Variants in PATL2 observed in about 807,000 individuals in gnomAD.
PATL2 encodes the protein PAT1 homolog 2.
PATL2 carries 73 observed loss-of-function variants against 77.0 expected under a neutral mutation model. The observed-to-expected ratio is 0.95, with a 90% CI of 0.78 to 1.15. The LOEUF is 1.15. Ranked by LOEUF, PATL2 falls within the 50% of genes most tolerant of loss-of-function variation. The probability of loss-of-function intolerance (pLI) is 0.00; values close to 1 mark genes in which losing one functional copy is unlikely to be tolerated. For synonymous variants in PATL2, 265 were observed against 257.1 expected (o/e 1.03, Z -0.29); for missense variants, 618 against 655.4 (o/e 0.94, Z 0.62).
In PATL2 at chr15:44,673,294, C is replaced by T; in HGVS notation, c.387G>A (p.Leu129=). 6.4e-7 allele frequency: 1 copy of T among 1,551,606 alleles called. No individual in the cohort carries two copies. The highest frequency in any genetic ancestry group is 8.7e-7 in the Non-Finnish European group (1 of 1,146,960). ...SSPAQHFGPR[L]PSPDPTLFCS... The stretch of plus-strand genomic sequence containing the variant: ...AGAAGAGAGTTGGGTCTGGTGAGGG[C>T]AGCCGAGGTCCAAAGTGCTGTGCTG... Residue 129 remains leucine (L), a synonymous_variant, in exon 7 of 18, where the codon CTG becomes CTA. Coordinates refer to ENST00000682850, the MANE Select transcript of PATL2 (RefSeq NM_001387263.1).
Position 44,669,510 on chromosome 15 carries a change from C to T in PATL2, c.930G>A (p.Lys310=). The change falls in exon 12 of 18, where the codon AAG becomes AAA. Residue 310 remains lysine, a splice_region_variant and synonymous_variant. Coordinates refer to ENST00000682850, the MANE Select transcript of PATL2 (RefSeq NM_001387263.1). ...CGTCCCTAAGGAACTGATATCTCAC[C>T]TTCTCAATCCGGTATAATACCCGAA... The part of the protein sequence containing the change: ...QRLRVLYRIE[K]MFLQLLEIEE... 1.3e-6 allele frequency: 2 copies of T among 1,551,134 alleles called. No homozygotes were observed. Among genetic ancestry groups the T allele is most frequent in the Non-Finnish European group, 1.7e-6 (2 of 1,146,732 alleles).
At chr15:44,685,607 C>CAA (rs745919182) in intron 3 of PATL2, among the ~76,000 whole-genome samples, 1 of 112,770 alleles carries the variant, frequency 8.9e-6, no homozygotes, top group Non-Finnish European at 1.9e-5. Flanking sequence ...GACTCTGTCT[C>CAA]AAAAAAAAAA....
rs893178904 is a variant in PATL2, at chr15:44,669,379, C to T, written c.965G>A (p.Trp322Ter). ...FLQLLEIEEG[W>*]KYRPPPPCFS... ...GCAGGGCGGTGGAGGCCTATACTTC[C>T]AGCCTTCCTCTATTTCTAGTAACTG... is the stretch of plus-strand genomic sequence containing the variant. Residue 322 changes from tryptophan to a stop codon, truncating the protein, a stop_gained, in exon 13 of 18, where the codon TGG (tryptophan) becomes TAG (stop). Transcript: ENST00000682850. LOFTEE classifies it high-confidence loss of function. 6.4e-7 allele frequency: 1 copy of T among 1,551,510 alleles called. No individual in the cohort carries two copies. Among genetic ancestry groups the T allele is most frequent in the East Asian group, 2.4e-5 (1 of 40,912 alleles).
rs772443142 is a variant in PATL2 at position 44,665,905 on chromosome 15, T to C, written c.*48A>G. The stretch of plus-strand genomic sequence containing the variant: ...CTGTAAACATAGTCTATGTAGCTAG[T>C]GTCTGATGATTCAACTTCCCACATA... On this transcript the variant is annotated 3_prime_UTR_variant, in exon 18 of 18. Transcript: ENST00000682850. The C allele has an allele frequency of 1.9e-6, 3 of 1,550,478 alleles. No individual in the cohort carries two copies. The highest frequency in any genetic ancestry group is 1.4e-5 in the African/African-American group (1 of 73,004).
intron 3 of PATL2, among the ~76,000 whole-genome samples, chr15:44,682,091 A>G (rs1018845452): frequency 2.0e-5 from 3 of 152,176 alleles, no homozygotes; most frequent in Admixed American, 6.5e-5. Flanking sequence ...TGTCTTTCCA[A>G]TGATATTGAA....
intron 16 of PATL2, 158 bp downstream of exon 16, chr15:44,666,948 A>T: frequency 1.6e-6 from 1 of 628,938 alleles, no homozygotes; most frequent in South Asian, 2.0e-5. Context: ...ACTCTAGGGC[A>T]CTATAGAAAA....
In PATL2 at chr15:44,666,622, C is replaced by T. The variant is rs1001030541; in HGVS notation, c.1464-81G>A. On this transcript the variant is annotated intron_variant, in intron 16 of 17. Coordinates refer to ENST00000682850, the MANE Select transcript of PATL2 (RefSeq NM_001387263.1). Reference sequence around the variant, plus strand: ...GGGCCAAGGTTTCTTATTATCTTTCCGTTACTACTACCATTGTCCCCCACC... The same window carrying T: ...GGGCCAAGGTTTCTTATTATCTTTCTGTTACTACTACCATTGTCCCCCACC... The T allele has an allele frequency of 2.1e-5, 29 of 1,364,536 alleles. No homozygotes were observed. The East Asian group carries it at 4.3e-4, about 20-fold the overall frequency. 84.5% of individuals were successfully genotyped at this position (1,364,536 alleles called of 1,614,324 possible).
At chr15:44,679,056 C>T (rs2086067603) in intron 3 of PATL2, among the ~76,000 whole-genome samples, 2 of 152,000 alleles carry the variant, frequency 1.3e-5, no homozygotes, top group Non-Finnish European at 2.9e-5. Context: ...GTCTCTCCTG[C>T]CCCCTTTCAT....
chr15:44,678,549 A>G (rs1014010680), intron 3 of PATL2, among the ~76,000 whole-genome samples: 1 of 152,170 alleles, frequency 6.6e-6, no homozygotes, highest in Non-Finnish European at 1.5e-5. Context: ...AGCCAAGCCT[A>G]TGTTAGGCTT....
At chr15:44,673,401 G>A in intron 6 of PATL2, 24 bp from the exon 7 acceptor site, 5 of 1,550,918 alleles carry the variant, frequency 3.2e-6, no homozygotes, top group South Asian at 2.4e-5. Flanking sequence ...TAAGAGGTCT[G>A]GGAGAACGCC....
intron 3 of PATL2, among the ~76,000 whole-genome samples, chr15:44,705,806 A>G (rs2086722011): frequency 1.7e-5 from 1 of 58,364 alleles, no homozygotes. Flanking sequence ...TTTCCTCAAA[A>G]CATTGTTTTT....
At chr15:44,668,582 C>A in intron 14 of PATL2, 100 bp from the exon 15 acceptor site, 1 of 1,418,240 alleles carries the variant, frequency 7.1e-7, no homozygotes, top group Non-Finnish European at 9.4e-7. Flanking sequence ...GTCTTTGGCA[C>A]GTCCTGGTGA....
chr15:44,672,038 G>C lies in PATL2; in HGVS notation c.634C>G (p.Arg212Gly). The C allele has an allele frequency of 6.4e-7, 1 of 1,551,644 alleles. No individual in the cohort carries two copies. The highest frequency in any genetic ancestry group is 8.7e-7 in the Non-Finnish European group (1 of 1,146,980). The change falls in exon 9 of 18, where the codon CGC (arginine) becomes GGC (glycine). Residue 212 changes from arginine (R) to glycine (G), a missense_variant. Physicochemically the swap from Arg to Gly is moderately radical, Grantham distance 125. Coordinates refer to ENST00000682850, the MANE Select transcript of PATL2 (RefSeq NM_001387263.1). ...QMVQLQSAKP[R>G]LDDYYYQEYY... ...ACCTGGTAATAGTAGTCATCCAGGC[G>C]GGGTTTTGCACTCTGCAGCTGCACC...
intron 3 of PATL2, among the ~76,000 whole-genome samples, chr15:44,687,525 C>T (rs1232668159): frequency 6.6e-6 from 1 of 152,176 alleles, no homozygotes; most frequent in African/African-American, 2.4e-5. Context: ...CTCACCACTC[C>T]TATTCAACAT....
intron 6 of PATL2, among the ~76,000 whole-genome samples, chr15:44,673,878 G>A (rs2085817342): frequency 6.6e-6 from 1 of 152,230 alleles, no homozygotes; most frequent in Admixed American, 6.5e-5. Flanking sequence ...TCTGCTGAAA[G>A]ATTGCCTAAG....
chr15:44,711,008 T>C lies in PATL2; in HGVS notation c.-254+12A>G, dbSNP rs2086850445. ...GCTGTCCTCAGGATGCTTTTGGGACTATTTTTCTTACCCAGAGAATGGAGA... is the reference window on the plus strand; with the variant it reads ...GCTGTCCTCAGGATGCTTTTGGGACCATTTTTCTTACCCAGAGAATGGAGA... On this transcript the variant is annotated intron_variant, in intron 1 of 17. Coordinates refer to ENST00000682850, the MANE Select transcript of PATL2 (RefSeq NM_001387263.1). 1 of 226,644 alleles carries C rather than the reference T, an allele frequency of 4.4e-6. No individual in the cohort carries two copies. The highest frequency in any genetic ancestry group is 5.2e-5 in the Admixed American group (1 of 19,188). 14.0% of individuals were successfully genotyped at this position (226,644 alleles called of 1,614,324 possible).
At chr15:44,700,380 C>A (rs972813448) in intron 3 of PATL2, among the ~76,000 whole-genome samples, 1 of 152,106 alleles carries the variant, frequency 6.6e-6, no homozygotes, top group Admixed American at 6.6e-5. Flanking sequence ...TGGTTCACTG[C>A]AGCCTCCACC....
chr15:44,672,037 CG>C lies in PATL2; in HGVS notation c.634del (p.Arg212AlafsTer14). 1 of 1,551,672 alleles carries C rather than the reference CG, an allele frequency of 6.4e-7. No homozygotes were observed. The highest frequency in any genetic ancestry group is 8.7e-7 in the Non-Finnish European group (1 of 1,146,986). ...CACCTGGTAATAGTAGTCATCCAGG[CG>C]GGGTTTTGCACTCTGCAGCTGCACC... ...QMVQLQSAKP[R>X]LDDYYYQEYY... On this transcript the variant is annotated frameshift_variant, in exon 9 of 18. Coordinates refer to ENST00000682850, the MANE Select transcript of PATL2 (RefSeq NM_001387263.1). LOFTEE classifies it high-confidence loss of function.
Position 44,669,118 on chromosome 15 carries a change from C to T in PATL2, c.1086G>A (p.Leu362=), listed in dbSNP as rs1297481788. The change falls in exon 14 of 18, where the codon CTG becomes CTA. Residue 362 remains leucine (L), a synonymous_variant. Coordinates refer to ENST00000682850, the MANE Select transcript of PATL2 (RefSeq NM_001387263.1). Reference sequence around the variant, plus strand: ...TCCCCTTCCTCACAGAGAGCACCTGCAGGAAGCCATCTGCTGCCTCTCTGC... The same window carrying T: ...TCCCCTTCCTCACAGAGAGCACCTGTAGGAAGCCATCTGCTGCCTCTCTGC... ...NNLEEAADGF[L]QVLSVRKGKA... The T allele has an allele frequency of 7.8e-6, 12 of 1,543,672 alleles. No homozygotes were observed. Among genetic ancestry groups the T allele is most frequent in the Non-Finnish European group, 1.1e-5 (12 of 1,142,322 alleles).
Sources: gnomAD v4.1 joint callset for allele counts (sites outside exome capture counted in the v4.1 genomes callset) on GRCh38, gnomAD v4.1.1 for gene constraint, MANE v1.5 for transcripts, NCBI Gene and HGNC (gene_info 2026-07-23, HGNC 2026-07-21) for gene names.